TESMIN: variants seen among roughly 807,000 people sequenced by gnomAD.
TESMIN encodes the protein CXC domain containing 2.
TESMIN carries 34 observed loss-of-function variants against 47.4 expected under a neutral mutation model. The ratio of observed to expected loss-of-function variants is 0.72; its 90% CI spans 0.55 to 0.96. The LOEUF (loss-of-function observed/expected upper bound fraction) is 0.96. Ranked by LOEUF, TESMIN falls within the 40% of genes least tolerant of loss-of-function variation. The pLI, the probability that TESMIN is intolerant of heterozygous loss-of-function variation, is 0.00. For missense variants in TESMIN, 610 were observed against 637.2 expected, an observed-to-expected ratio of 0.96 and a Z score of 0.46; for synonymous variants, 278 against 258.9, an observed-to-expected ratio of 1.07 and a Z score of -0.71.
At chr11:68,712,228 A>C (rs1448184388) in intron 8 of TESMIN, among the ~76,000 whole-genome samples, 2 of 152,172 alleles carry the variant, frequency 1.3e-5, no homozygotes, top group East Asian at 3.8e-4. Flanking sequence ...GCAGCCAGTG[A>C]AGGTGTTTTG....
intron 5 of TESMIN, among the ~76,000 whole-genome samples, chr11:68,739,936 G>A (rs1392888064): frequency 6.6e-6 from 1 of 152,176 alleles, no homozygotes; most frequent in Non-Finnish European, 1.5e-5. Flanking sequence ...GCATAAACCA[G>A]GTAAAATTAC....
chr11:68,713,285 G>A lies in TESMIN; in HGVS notation c.1143C>T (p.Tyr381=), dbSNP rs1483400748. 1 of 1,614,172 alleles carries A rather than the reference G, an allele frequency of 6.2e-7. No homozygotes were observed. The highest frequency in any genetic ancestry group is 2.2e-5 in the East Asian group (1 of 44,890). Residue 381 remains tyrosine, a synonymous_variant, in exon 8 of 10, where the codon TAC becomes TAT. Coordinates refer to ENST00000255087, the MANE Select transcript of TESMIN (RefSeq NM_004923.3). ...NCRRSGCLKN[Y]CECYEAQIMC... Reference sequence around the variant, plus strand: ...GGGCACTAACCTCATAGCACTCGCAGTAATTCTTCAGGCAGCCTGACCTCC... The same window carrying A: ...GGGCACTAACCTCATAGCACTCGCAATAATTCTTCAGGCAGCCTGACCTCC...
At chr11:68,721,697 T>C (rs1431707790) in intron 6 of TESMIN, among the ~76,000 whole-genome samples, 2 of 152,210 alleles carry the variant, frequency 1.3e-5, no homozygotes, top group Non-Finnish European at 2.9e-5. Context: ...TGTTTTTTCC[T>C]TCATTGTCAC....
chr11:68,730,524 G>A (rs1946314403), intron 6 of TESMIN, among the ~76,000 whole-genome samples: 1 of 152,240 alleles, frequency 6.6e-6, no homozygotes, highest in South Asian at 2.1e-4. Context: ...GCTGGGCGCA[G>A]TGACTCATGC....
intron 3 of TESMIN, among the ~76,000 whole-genome samples, chr11:68,746,516 G>C (rs547682156): frequency 4.0e-4 from 61 of 152,270 alleles, no homozygotes; most frequent in African/African-American, 1.3e-3. Context: ...TCATTTCTAG[G>C]AATAAAGAAT....
intron 7 of TESMIN, among the ~76,000 whole-genome samples, chr11:68,714,645 T>G (rs558231187): frequency 6.6e-6 from 1 of 152,338 alleles, no homozygotes; most frequent in Admixed American, 6.5e-5. Context: ...AATGCATCAA[T>G]TCATCCATTC....
At chr11:68,741,249 C>T (rs1458631752) in intron 5 of TESMIN, among the ~76,000 whole-genome samples, 1 of 152,178 alleles carries the variant, frequency 6.6e-6, no homozygotes, top group African/African-American at 2.4e-5. Flanking sequence ...GCTCCCCTAG[C>T]TCACACTATC....
At chr11:68,711,369 GTA>G (rs978563022) in intron 8 of TESMIN, among the ~76,000 whole-genome samples, 3 of 151,496 alleles carry the variant, frequency 2.0e-5, no homozygotes, top group South Asian at 2.1e-4. Context: ...TGGGGTTTGG[GTA>G]TGTGTGTGTA....
downstream of TESMIN, among the ~76,000 whole-genome samples, chr11:68,706,939 C>A (rs1316400731): frequency 2.0e-5 from 3 of 152,294 alleles, no homozygotes; most frequent in Admixed American, 2.0e-4. Flanking sequence ...TTCCAGCTCC[C>A]AAGGGTGAAG....
At chr11:68,733,518 T>A (rs1179577495) in intron 6 of TESMIN, 1 of 152,176 alleles carries the variant, frequency 6.6e-6, no homozygotes, top group African/African-American at 2.4e-5. Context: ...ACAACGAGCA[T>A]TAGGACAAGG....
At chr11:68,743,542 G>A (rs1157487083) in intron 4 of TESMIN, among the ~76,000 whole-genome samples, 1 of 152,052 alleles carries the variant, frequency 6.6e-6, no homozygotes, top group Non-Finnish European at 1.5e-5. Context: ...AGCCACGGCA[G>A]CCAGCACTAC....
rs180725625 is a variant in TESMIN at position 68,740,849 on chromosome 11, T to A, written c.828+1469A>T. 3.1e-3 allele frequency among the ~76,000 whole-genome samples: 466 copies of A among 152,244 alleles called. 2 individuals are homozygous for A. The highest frequency in any genetic ancestry group is 6.8e-3 in the Middle Eastern group (2 of 294). ...CCAGCCCTTCCTCACTCTAAACTCC[T>A]ACGCAACATCTTCTGAGGCATCCCA... is the stretch of plus-strand genomic sequence containing the variant. On this transcript the variant is annotated intron_variant, in intron 5 of 9. Transcript: ENST00000255087.
At chr11:68,722,075 G>C (rs1434857634) in intron 6 of TESMIN, among the ~76,000 whole-genome samples, 1 of 152,148 alleles carries the variant, frequency 6.6e-6, no homozygotes, top group African/African-American at 2.4e-5. Context: ...CCATACAATG[G>C]AATATTATGC....
chr11:68,720,117 T>C (rs975299807), intron 6 of TESMIN, among the ~76,000 whole-genome samples: 8 of 152,148 alleles, frequency 5.3e-5, no homozygotes, highest in Non-Finnish European at 8.8e-5. Flanking sequence ...TTTCAAAGCA[T>C]TGGCAGAAAA....
chr11:68,751,216 G>A (rs1401541410), intron 1 of TESMIN, among the ~76,000 whole-genome samples: 2 of 133,960 alleles, frequency 1.5e-5, no homozygotes. Context: ...GGTGAGGGGC[G>A]GCCGAGGAGG....
chr11:68,748,032 T>A (rs1385944365), intron 2 of TESMIN, among the ~76,000 whole-genome samples: 1 of 152,162 alleles, frequency 6.6e-6, no homozygotes, highest in Non-Finnish European at 1.5e-5. Flanking sequence ...ACGCTTTGCA[T>A]CCTCCCCTCC....
chr11:68,715,849 A>T lies in TESMIN; in HGVS notation c.1008T>A (p.Phe336Leu). The T allele has an allele frequency of 6.2e-7, 1 of 1,604,016 alleles. No individual in the cohort carries two copies. Among genetic ancestry groups the T allele is most frequent in the South Asian group, 1.1e-5 (1 of 90,864 alleles). Residue 336 changes from phenylalanine to leucine, a missense_variant, in exon 7 of 10, where the codon TTT becomes TTA. Physicochemically the swap from Phe to Leu is conservative, Grantham distance 22. Coordinates refer to ENST00000255087, the MANE Select transcript of TESMIN (RefSeq NM_004923.3). ...CNNLHHDIERFKAIKACLGRN... is the reference protein window; with the variant it reads ...CNNLHHDIERLKAIKACLGRN... ...GGACATTTATTACCTTAATGGCTTT[A>T]AACCGTTCAATATCATGATGCAAGT...
At chr11:68,735,833 T>C (rs1946381051) in intron 6 of TESMIN, among the ~76,000 whole-genome samples, 1 of 152,256 alleles carries the variant, frequency 6.6e-6, no homozygotes. Context: ...CATCAACTTT[T>C]AAGGCGGCAA....
intron 8 of TESMIN, 41 bp from the exon 9 acceptor site, chr11:68,711,090 C>CA: frequency 6.6e-7 from 1 of 1,507,428 alleles, no homozygotes; most frequent in Non-Finnish European, 9.1e-7. Flanking sequence ...GGTTGTCTCA[C>CA]AAGTCATCAA....
Sources: gnomAD v4.1 joint callset for allele counts (sites outside exome capture counted in the v4.1 genomes callset) on GRCh38, gnomAD v4.1.1 for gene constraint, MANE v1.5 for transcripts, NCBI Gene and HGNC (gene_info 2026-07-23, HGNC 2026-07-21) for gene names.